KIAA0232: variants seen among roughly 807,000 people sequenced by gnomAD.
KIAA0232 encodes the protein uncharacterized protein KIAA0232.
A neutral mutation model predicts 122.0 loss-of-function variants in KIAA0232; 27 were observed. The observed-to-expected ratio is 0.22, with a 90% CI of 0.16 to 0.31. KIAA0232 has a LOEUF of 0.31. Among genes scored for constraint, KIAA0232 ranks in the 10% least tolerant of loss-of-function variants. The pLI is 1.00. For synonymous variants in KIAA0232, 613 were observed against 587.6 expected (o/e 1.04, Z -0.63); for missense variants, 1,551 against 1,634.2 (o/e 0.95, Z 0.88).
intron 4 of KIAA0232, among the ~76,000 whole-genome samples, chr4:6,843,767 C>T (rs115246264): frequency 0.044 from 6,642 of 151,942 alleles, 204 homozygotes; most frequent in Non-Finnish European, 0.063. Flanking sequence ...GAGACTCCAT[C>T]TCAAGAAAAT....
rs144842581 is a variant in KIAA0232, at chr4:6,870,108, G to A, written c.3802-1466G>A. ...TGCCAGCATGCCAGGTATACATGGT[G>A]ACTGAAGCTGCCACAGGTCTTCTAT... On this transcript the variant is annotated intron_variant, in intron 7 of 9. Coordinates refer to ENST00000307659, the MANE Select transcript of KIAA0232 (RefSeq NM_014743.3). Among the ~76,000 whole-genome samples, 409 of 152,354 alleles carry A rather than the reference G, an allele frequency of 2.7e-3. 1 individual carries two copies. Among genetic ancestry groups the A allele is most frequent in the Middle Eastern group, 6.8e-3 (2 of 294 alleles).
chr4:6,870,207 G>C (rs1185759272), intron 7 of KIAA0232, among the ~76,000 whole-genome samples: 1 of 152,200 alleles, frequency 6.6e-6, no homozygotes, highest in South Asian at 2.1e-4. Flanking sequence ...ACACTATCCA[G>C]TTCTCACTGG....
intron 3 of KIAA0232, among the ~76,000 whole-genome samples, chr4:6,841,157 T>G (rs1719639681): frequency 6.6e-6 from 1 of 152,202 alleles, no homozygotes; most frequent in South Asian, 2.1e-4. Context: ...ATAAATAATG[T>G]CAGGCTGCTT....
chr4:6,839,754 T>C (rs1271719400), intron 3 of KIAA0232, among the ~76,000 whole-genome samples: 2 of 152,076 alleles, frequency 1.3e-5, no homozygotes, highest in East Asian at 1.9e-4. Flanking sequence ...AGTTATGTCC[T>C]AGAGACAAAA....
chr4:6,838,274 C>T (rs1355556686), intron 3 of KIAA0232, among the ~76,000 whole-genome samples: 1 of 151,684 alleles, frequency 6.6e-6, no homozygotes, highest in Non-Finnish European at 1.5e-5. Context: ...CTGCAGCCTC[C>T]GCCTCCCAGG....
chr4:6,851,778 T>A (rs1349490118), intron 4 of KIAA0232, among the ~76,000 whole-genome samples: 2 of 148,400 alleles, frequency 1.3e-5, no homozygotes, highest in African/African-American at 2.5e-5. Flanking sequence ...TAAGGTGCTA[T>A]AATGAACTAA....
chr4:6,839,817 A>ACGGGCTTGGGCCACTGAAGG (rs1397038173), intron 3 of KIAA0232, among the ~76,000 whole-genome samples: 62 of 152,350 alleles, frequency 4.1e-4, no homozygotes, highest in African/African-American at 1.2e-3. Context: ...CAGTGGGCAG[A>ACGGGCTTGGGCCACTGAAGG]CAGGTAGGTC....
At position 6,862,305 on chromosome 4, in the gene KIAA0232, A is replaced by G. The variant is rs546206035; in HGVS notation, c.1923A>G (p.Gly641=). ...NQELFSDINE[G]SGINSCFSVF... The stretch of plus-strand genomic sequence containing the variant: ...AGCTCTTTTCAGATATTAATGAAGG[A>G]TCTGGTATAAACTCTTGTTTTTCAG... Residue 641 remains glycine, a synonymous_variant, in exon 7 of 10, where the codon GGA becomes GGG. Transcript: ENST00000307659. 1 of 1,614,158 alleles carries G rather than the reference A, an allele frequency of 6.2e-7. No individual in the cohort carries two copies. Among genetic ancestry groups the G allele is most frequent in the African/African-American group, 1.3e-5 (1 of 75,044 alleles).
Position 6,860,995 on chromosome 4 carries a change from A to G in KIAA0232, c.613A>G (p.Ser205Gly). The change falls in exon 7 of 10, where the codon AGC becomes GGC. Residue 205 changes from serine to glycine, a missense_variant. By Grantham distance (56) the Ser-to-Gly change is moderately conservative. Coordinates refer to ENST00000307659, the MANE Select transcript of KIAA0232 (RefSeq NM_014743.3). ...CAAGTCTAAAGTCTGTTCTTACTCT[A>G]GCTCTTCTTCATCATCCACAGCCCC... Reference protein sequence around the residue: ...WNKSKVCSYSSSSSSSTAPPA... With the variant: ...WNKSKVCSYSGSSSSSTAPPA... 6.2e-7 allele frequency: 1 copy of G among 1,614,168 alleles called. No homozygotes were observed. The highest frequency in any genetic ancestry group is 8.5e-7 in the Non-Finnish European group (1 of 1,180,022).
Position 6,863,967 on chromosome 4 carries a change from G to A in KIAA0232, c.3585G>A (p.Gln1195=). 6.2e-7 allele frequency: 1 copy of A among 1,614,028 alleles called. No homozygotes were observed. The highest frequency in any genetic ancestry group is 8.5e-7 in the Non-Finnish European group (1 of 1,179,942). ...GTGCTCAGACATCACTGGATTCCCAGGAGGAATCAACTGGGATTCTTTCAG... is the reference window on the plus strand; with the variant it reads ...GTGCTCAGACATCACTGGATTCCCAAGAGGAATCAACTGGGATTCTTTCAG... ...EKSAQTSLDS[Q]EESTGILSVG... Residue 1195 remains glutamine (Q), a synonymous_variant, in exon 7 of 10, where the codon CAG becomes CAA. Transcript: ENST00000307659.
intron 2 of KIAA0232, among the ~76,000 whole-genome samples, chr4:6,814,083 T>G (rs1283783078): frequency 1.3e-5 from 2 of 152,194 alleles, no homozygotes; most frequent in Admixed American, 6.5e-5. Context: ...GGTGTACAAC[T>G]GCAAGTATAT....
At chr4:6,806,200 T>G (rs1270480716) in intron 2 of KIAA0232, among the ~76,000 whole-genome samples, 1 of 152,214 alleles carries the variant, frequency 6.6e-6, no homozygotes, top group Non-Finnish European at 1.5e-5. Context: ...GTAGCCCTGC[T>G]AAAGAATTTT....
At chr4:6,858,327 T>C in intron 5 of KIAA0232, 98 bp from the exon 6 acceptor site, 2 of 682,226 alleles carry the variant, frequency 2.9e-6, no homozygotes, top group Middle Eastern at 3.6e-4. Context: ...CACCAAAGTC[T>C]CTATTTCTTG....
chr4:6,849,097 A>C (rs1048660279), intron 4 of KIAA0232, among the ~76,000 whole-genome samples: 8 of 152,132 alleles, frequency 5.3e-5, no homozygotes, highest in African/African-American at 1.9e-4. Context: ...ATCAGACCAT[A>C]CTGGTTGCTG....
chr4:6,824,370 G>A lies in KIAA0232; in HGVS notation c.-84G>A. 2.7e-6 allele frequency: 3 copies of A among 1,111,222 alleles called. No individual in the cohort carries two copies. The highest frequency in any genetic ancestry group is 1.5e-5 in the African/African-American group (1 of 65,198). 68.8% of individuals were successfully genotyped at this position (1,111,222 alleles called of 1,614,324 possible). On this transcript the variant is annotated 5_prime_UTR_variant, in exon 3 of 10. The change creates a premature stop within an existing upstream ORF in the 5' untranslated region. Coordinates refer to ENST00000307659, the MANE Select transcript of KIAA0232 (RefSeq NM_014743.3). ...ATGTCAAGCATCTCTACTTTTTACT[G>A]GAGTGAAAATCCCCTCCAGATACCA...
rs1423754350 is a variant in KIAA0232 at position 6,858,468 on chromosome 4, G to C, written c.480G>C (p.Glu160Asp). ...HKKLEGSPSP[E>D]AELSPPAKDQ... ...AGTTAGAGGGGTCTCCCTCTCCAGA[G>C]GCAGAATTATCCCCTCCAGCAAAGG... The change falls in exon 6 of 10, where the codon GAG becomes GAC. Residue 160 changes from glutamate to aspartate, a missense_variant. Physicochemically the swap from Glu to Asp is conservative, Grantham distance 45 (BLOSUM62 2). This residue lies in a region of KIAA0232 where 377 missense variants were observed against 381.7 expected (regional missense o/e 0.99). Transcript: ENST00000307659. 8.1e-6 allele frequency: 13 copies of C among 1,608,768 alleles called. No homozygotes were observed. The highest frequency in any genetic ancestry group is 1.1e-5 in the Non-Finnish European group (13 of 1,177,794).
In KIAA0232 at chr4:6,806,590, C is replaced by T. The variant is rs1032325907; in HGVS notation, c.-270+1984C>T. On this transcript the variant is annotated intron_variant, in intron 2 of 9. Transcript: ENST00000307659. ...TGTATTAAAAATACAAAAAATTAGC[C>T]GGGTGTGGTGGTGGGCGTCTATAAT... 4.6e-5 allele frequency among the ~76,000 whole-genome samples: 7 copies of T among 151,538 alleles called. No individual in the cohort carries two copies. In the East Asian group the frequency reaches 7.8e-4, roughly 17 times the overall value.
chr4:6,864,710 C>T (rs1721075510), intron 7 of KIAA0232, among the ~76,000 whole-genome samples: 1 of 130,542 alleles, frequency 7.7e-6, no homozygotes, highest in Non-Finnish European at 1.6e-5. Flanking sequence ...TGTACTCCAG[C>T]CTGGGTGACA....
chr4:6,863,712 A>G lies in KIAA0232; in HGVS notation c.3330A>G (p.Pro1110=). The G allele has an allele frequency of 6.2e-7, 1 of 1,614,200 alleles. No individual in the cohort carries two copies. The highest frequency in any genetic ancestry group is 2.2e-5 in the East Asian group (1 of 44,884). ...IRISPRTHFR[P]ISASELSPGG... is the part of the protein sequence containing the mutation. Reference sequence around the variant, plus strand: ...TCTCTCCTCGGACTCACTTTCGCCCAATTTCTGCATCCGAACTGTCCCCAG... The same window carrying G: ...TCTCTCCTCGGACTCACTTTCGCCCGATTTCTGCATCCGAACTGTCCCCAG... Residue 1110 remains proline (P), a synonymous_variant, in exon 7 of 10, where the codon CCA becomes CCG. Transcript: ENST00000307659.
Sources: gnomAD v4.1 joint callset for allele counts (sites outside exome capture counted in the v4.1 genomes callset) on GRCh38, gnomAD v4.1.1 for gene constraint, gnomAD v4.1.1 regional missense constraint, MANE v1.5 for transcripts, NCBI Gene and HGNC (gene_info 2026-07-23, HGNC 2026-07-21) for gene names.